Variants in MRTFB observed in about 807,000 individuals in gnomAD.
MRTFB encodes the protein myocardin-related transcription factor B.
A neutral mutation model predicts 104.2 loss-of-function variants in MRTFB; 29 were observed. That is an observed-to-expected ratio of 0.28 (90% CI 0.21 to 0.38). MRTFB has a LOEUF of 0.38. Among genes scored for constraint, MRTFB ranks in the 10% least tolerant of loss-of-function variants. The pLI is 1.00. For missense variants in MRTFB, 1,270 were observed against 1,341.6 expected (o/e 0.95, Z 0.83); for synonymous variants, 535 against 519.5 (o/e 1.03, Z -0.41).
In MRTFB at chr16:14,094,272, G is replaced by A. The variant is rs189613296; in HGVS notation, c.-64+14918G>A. Among the ~76,000 whole-genome samples, 29 of 152,186 alleles carry A rather than the reference G, an allele frequency of 1.9e-4. No homozygotes were observed. The East Asian group carries it at 5.4e-3, about 28-fold the overall frequency. On this transcript the variant is annotated intron_variant, in intron 2 of 16. Transcript: ENST00000571589. ...ACTGATAAATATAACTCAAAAAGGA[G>A]CATTAAATAATAGGGCATTAAATAA...
intron 15 of MRTFB, among the ~76,000 whole-genome samples, chr16:14,252,960 C>A (rs1415026529): frequency 6.6e-6 from 1 of 152,156 alleles, no homozygotes; most frequent in East Asian, 1.9e-4. Flanking sequence ...AACCTCTGCC[C>A]CCAGCAGGCC....
At chr16:14,062,745 G>A in the MRTFB span, among the ~76,000 whole-genome samples, 1 of 152,192 alleles carries the variant, frequency 6.6e-6, no homozygotes, top group East Asian at 1.9e-4. Context: ...TAAGCTTCTA[G>A]GAAAAATGCC....
intron 3 of MRTFB, among the ~76,000 whole-genome samples, chr16:14,159,795 T>C (rs558665476): frequency 1.3e-5 from 2 of 150,052 alleles, no homozygotes; most frequent in South Asian, 4.2e-4. Context: ...CCGGGCGTAG[T>C]GGCGGGCGCC....
the MRTFB span, among the ~76,000 whole-genome samples, chr16:14,007,663 T>C: frequency 6.6e-6 from 1 of 152,250 alleles, no homozygotes; most frequent in Non-Finnish European, 1.5e-5. Context: ...AGCTCTGTGC[T>C]ACTTTACATT....
At chr16:14,103,936 ACT>A (rs1307597087) in intron 2 of MRTFB, among the ~76,000 whole-genome samples, 1 of 152,142 alleles carries the variant, frequency 6.6e-6, no homozygotes, top group East Asian at 1.9e-4. Context: ...TGTGGGAGAA[ACT>A]CTGCCTGGTT....
At chr16:13,995,824 G>T in the MRTFB span, among the ~76,000 whole-genome samples, 1 of 152,006 alleles carries the variant, frequency 6.6e-6, no homozygotes, top group African/African-American at 2.4e-5. Flanking sequence ...CAGCAAGGGG[G>T]ATGACCGCTC....
At position 14,265,471 on chromosome 16, in the gene MRTFB, G is replaced by A. The variant is rs1444278686; in HGVS notation, c.*4027G>A. ...AACTGCATTTCAACTCATCTTTTAA[G>A]TGATTTCAGTCAAAACTGGAAAACA... On this transcript the variant is annotated 3_prime_UTR_variant, in exon 17 of 17. Transcript: ENST00000571589. 1.3e-5 allele frequency: 2 copies of A among 152,184 alleles called. No individual in the cohort carries two copies. Among genetic ancestry groups the A allele is most frequent in the Non-Finnish European group, 2.9e-5 (2 of 68,026 alleles). 9.4% of individuals were successfully genotyped at this position (152,184 alleles called of 1,614,324 possible).
intron 3 of MRTFB, among the ~76,000 whole-genome samples, chr16:14,199,819 G>A (rs958904095): frequency 3.9e-5 from 6 of 152,146 alleles, no homozygotes; most frequent in African/African-American, 7.2e-5. Context: ...TGAAAACCAC[G>A]GTAAATATTT....
chr16:14,017,621 ATATATATATATATATATAT>A, the MRTFB span, among the ~76,000 whole-genome samples: 1 of 88,294 alleles, frequency 1.1e-5, no homozygotes, highest in Non-Finnish European at 2.3e-5. Context: ...ATATATATAT[ATATATATATATATATATAT>A]GTATATATGT....
intron 2 of MRTFB, among the ~76,000 whole-genome samples, chr16:14,099,371 T>C (rs952689504): frequency 1.4e-5 from 2 of 147,902 alleles, no homozygotes; most frequent in African/African-American, 5.3e-5. Context: ...TTACGTGGGT[T>C]TTTTTGGTGG....
rs114811657 is a variant in MRTFB, at chr16:14,247,154, G to C, written c.1894G>C (p.Gly632Arg). The C allele has an allele frequency of 6.2e-7, 1 of 1,614,118 alleles. No individual in the cohort carries two copies. The highest frequency in any genetic ancestry group is 1.7e-5 in the Admixed American group (1 of 60,024). Reference protein sequence around the residue: ...GHSVKSDQKHGSLGSSIKDEA... With the variant: ...GHSVKSDQKHRSLGSSIKDEA... ...TTCTGTCAAGTCAGATCAGAAGCACGGCAGCCTTGGCTCCTCCATCAAAGA... is the reference window on the plus strand; with the variant it reads ...TTCTGTCAAGTCAGATCAGAAGCACCGCAGCCTTGGCTCCTCCATCAAAGA... Residue 632 changes from glycine to arginine, a missense_variant, in exon 12 of 17, where the codon GGC (glycine) becomes CGC (arginine). Transcript: ENST00000571589.
chr16:14,144,977 C>T (rs1486518560), intron 3 of MRTFB, among the ~76,000 whole-genome samples: 1 of 144,144 alleles, frequency 6.9e-6, no homozygotes, highest in African/African-American at 2.6e-5. Context: ...TAAATATATA[C>T]ATACATATAT....
intron 16 of MRTFB, 34 bp downstream of exon 16, chr16:14,258,195 A>C: frequency 6.3e-7 from 1 of 1,584,070 alleles, no homozygotes; most frequent in East Asian, 2.2e-5. Flanking sequence ...CCTCCCAGGA[A>C]GTCATCTCTT....
intron 3 of MRTFB, among the ~76,000 whole-genome samples, chr16:14,154,068 C>T (rs187927790): frequency 7.4e-4 from 112 of 152,284 alleles, no homozygotes; most frequent in African/African-American, 2.5e-3. Context: ...CATTGTGGCT[C>T]ATGCCTGTAA....
At chr16:14,060,885 G>A in the MRTFB span, among the ~76,000 whole-genome samples, 5 of 152,092 alleles carry the variant, frequency 3.3e-5, no homozygotes, top group African/African-American at 9.7e-5. Flanking sequence ...GGTGGCTCAC[G>A]CCTGTAATCC....
intron 3 of MRTFB, among the ~76,000 whole-genome samples, chr16:14,171,242 A>G (rs769666389): frequency 1.3e-5 from 2 of 152,216 alleles, no homozygotes; most frequent in Non-Finnish European, 2.9e-5. Flanking sequence ...TGGGAACTAC[A>G]TGTGTTCATT....
intron 10 of MRTFB, 155 bp downstream of exon 10, chr16:14,240,639 C>T: frequency 7.8e-7 from 1 of 1,279,820 alleles, no homozygotes; most frequent in Non-Finnish European, 1.1e-6. Flanking sequence ...TGTCTGAAGT[C>T]CACATGGTGA....
At position 14,154,563 on chromosome 16, in the gene MRTFB, T is replaced by C. The variant is rs539883085; in HGVS notation, c.154+13803T>C. Among the ~76,000 whole-genome samples the C allele has an allele frequency of 5.3e-5, 8 of 152,318 alleles. No homozygotes were observed. In the South Asian group the frequency reaches 1.7e-3, roughly 32 times the overall value. ...AGTTATCTATTGCTTTGTAGTGAAT[T>C]TCTTTAAACCATAACAGCCAAATGC... On this transcript the variant is annotated intron_variant, in intron 3 of 16. Transcript: ENST00000571589.
At chr16:14,053,157 C>G in the MRTFB span, among the ~76,000 whole-genome samples, 1 of 151,936 alleles carries the variant, frequency 6.6e-6, no homozygotes, top group Non-Finnish European at 1.5e-5. Flanking sequence ...AACTCCTGGC[C>G]TCAAGTGATC....
Sources: gnomAD v4.1 joint callset for allele counts (sites outside exome capture counted in the v4.1 genomes callset) on GRCh38, gnomAD v4.1.1 for gene constraint, MANE v1.5 for transcripts, NCBI Gene and HGNC (gene_info 2026-07-23, HGNC 2026-07-21) for gene names.